Variants in ZPLD1 observed in about 807,000 individuals in gnomAD.
ZPLD1 encodes the protein zona pellucida-like domain-containing protein 1.
ZPLD1 carries 34 observed loss-of-function variants against 47.2 expected under a neutral mutation model. The ratio of observed to expected loss-of-function variants is 0.72; its 90% CI spans 0.55 to 0.96. The LOEUF is 0.96. Ranked by LOEUF, ZPLD1 falls within the 40% of genes least tolerant of loss-of-function variation. The pLI is 0.00. For synonymous variants in ZPLD1, 176 were observed against 186.2 expected, an observed-to-expected ratio of 0.95 and a Z score of 0.45; for missense variants, 512 against 505.8, an observed-to-expected ratio of 1.01 and a Z score of -0.12.
At chr3:102,432,184 A>G (rs1707023737), upstream of ZPLD1, among the ~76,000 whole-genome samples, 1 of 152,100 alleles carries the variant, frequency 6.6e-6, no homozygotes, top group Non-Finnish European at 1.5e-5. Flanking sequence ...TTTAAACCTT[A>G]ATGAACTGTT....
intron 7 of ZPLD1, among the ~76,000 whole-genome samples, chr3:102,412,489 A>G (rs1213474161): frequency 3.3e-5 from 5 of 151,712 alleles, no homozygotes; most frequent in African/African-American, 1.2e-4. Flanking sequence ...GGAGGATTTA[A>G]CCTATTATAA....
chr3:102,421,425 A>G (rs547120849), intron 8 of ZPLD1, among the ~76,000 whole-genome samples: 1 of 151,878 alleles, frequency 6.6e-6, no homozygotes, highest in Non-Finnish European at 1.5e-5. Flanking sequence ...TTTAAAAACT[A>G]CTCATCTTTT....
At chr3:102,388,552 C>T (rs1559737217) in intron 6 of ZPLD1, among the ~76,000 whole-genome samples, 2 of 151,248 alleles carry the variant, frequency 1.3e-5, no homozygotes, top group Non-Finnish European at 2.9e-5. Flanking sequence ...TTAATGTTCT[C>T]CTCTACTCCC....
At chr3:102,434,449 A>G (rs1481021484), upstream of ZPLD1, among the ~76,000 whole-genome samples, 2 of 152,178 alleles carry the variant, frequency 1.3e-5, no homozygotes, top group African/African-American at 4.8e-5. Flanking sequence ...TTGACAGCAA[A>G]TCACTTAGCA....
At chr3:102,467,931 C>G (rs1167565419) in intron 8 of ZPLD1, among the ~76,000 whole-genome samples, 1 of 151,248 alleles carries the variant, frequency 6.6e-6, no homozygotes, top group Admixed American at 6.6e-5. Context: ...ATATAACAAC[C>G]AGTAACCACT....
intron 6 of ZPLD1, among the ~76,000 whole-genome samples, chr3:102,458,683 A>T (rs1707457238): frequency 6.6e-6 from 1 of 152,200 alleles, no homozygotes. Context: ...AAAGGCATTT[A>T]AAAAAATCAT....
In ZPLD1 at chr3:102,469,027, T is replaced by A; in HGVS notation, c.825T>A (p.Ser275=). The change falls in exon 9 of 12, where the codon TCT becomes TCA. Residue 275 remains serine, a synonymous_variant. Transcript: ENST00000466937. ...GCCGAAGCCAGCGGGGCCGGTTTTCTTTTGAAGTGTTCCGATTTGTGAAAC... is the reference window on the plus strand; with the variant it reads ...GCCGAAGCCAGCGGGGCCGGTTTTCATTTGAAGTGTTCCGATTTGTGAAAC... ...ENGRSQRGRF[S]FEVFRFVKHK... 6.2e-7 allele frequency: 1 copy of A among 1,614,160 alleles called. No individual in the cohort carries two copies. The highest frequency in any genetic ancestry group is 1.3e-5 in the African/African-American group (1 of 75,062).
At chr3:102,444,126 A>G (rs1048944743) in intron 3 of ZPLD1, among the ~76,000 whole-genome samples, 9 of 152,196 alleles carry the variant, frequency 5.9e-5, no homozygotes, top group Non-Finnish European at 1.2e-4. Flanking sequence ...TATTGCATGA[A>G]TTTTCACTTT....
At chr3:102,464,565 G>T (rs1031130559) in intron 8 of ZPLD1, among the ~76,000 whole-genome samples, 1 of 152,090 alleles carries the variant, frequency 6.6e-6, no homozygotes, top group Non-Finnish European at 1.5e-5. Context: ...GATATTATTC[G>T]CAGGAAAAGA....
chr3:102,464,229 A>C lies in ZPLD1; in HGVS notation c.739A>C (p.Ile247Leu). The C allele has an allele frequency of 6.2e-7, 1 of 1,612,496 alleles. No homozygotes were observed. Residue 247 changes from isoleucine (I) to leucine (L), a missense_variant, in exon 8 of 12, where the codon ATT becomes CTT. Ile to Leu is a conservative substitution (Grantham distance 5). Transcript: ENST00000466937. ...CCCATCAGGAAACCCAAATGATGAC[A>C]TTCGATATGATCTTTTCCTTAGGTA... ...TTPSGNPNDD[I>L]RYDLFLSCDK...
chr3:102,467,118 C>G (rs1477707824), intron 8 of ZPLD1, among the ~76,000 whole-genome samples: 1 of 152,034 alleles, frequency 6.6e-6, no homozygotes, highest in African/African-American at 2.4e-5. Flanking sequence ...AGTAAGGATA[C>G]AGAAAATCTA....
chr3:102,387,947 G>A (rs1049093094), intron 6 of ZPLD1, among the ~76,000 whole-genome samples: 7 of 135,502 alleles, frequency 5.2e-5, no homozygotes, highest in East Asian at 4.6e-4. Flanking sequence ...TGCAAGCTCC[G>A]CCTCCTGGGC....
intron 10 of ZPLD1, among the ~76,000 whole-genome samples, chr3:102,471,782 A>T (rs1707689975): frequency 6.6e-6 from 1 of 152,202 alleles, no homozygotes; most frequent in Admixed American, 6.5e-5. Flanking sequence ...TTTAAAGTAA[A>T]AGTTTTTAAC....
intron 5 of ZPLD1, among the ~76,000 whole-genome samples, chr3:102,457,394 C>T (rs566654845): frequency 6.6e-6 from 1 of 152,180 alleles, no homozygotes; most frequent in Non-Finnish European, 1.5e-5. Flanking sequence ...CATTTACCTA[C>T]TATTTACCAT....
intron 7 of ZPLD1, among the ~76,000 whole-genome samples, chr3:102,407,457 TCC>T: frequency 1.0e-5 from 1 of 97,376 alleles, no homozygotes; most frequent in Non-Finnish European, 2.1e-5. Context: ...ACATATGCCA[TCC>T]TTTATGAGTC....
At chr3:102,461,209 T>C (rs936907865) in intron 6 of ZPLD1, among the ~76,000 whole-genome samples, 1 of 152,056 alleles carries the variant, frequency 6.6e-6, no homozygotes, top group South Asian at 2.1e-4. Flanking sequence ...TAAGATTTTA[T>C]AATGAACATT....
chr3:102,458,692 A>G (rs1285299717), intron 6 of ZPLD1, among the ~76,000 whole-genome samples: 1 of 152,226 alleles, frequency 6.6e-6, no homozygotes, highest in Admixed American at 6.5e-5. Flanking sequence ...TAAAAAAATC[A>G]TGTTTATAAG....
chr3:102,446,276 G>C, intron 3 of ZPLD1, among the ~76,000 whole-genome samples: 1 of 152,214 alleles, frequency 6.6e-6, no homozygotes, highest in Non-Finnish European at 1.5e-5. Flanking sequence ...AGATAGGATA[G>C]AACATGACGG....
chr3:102,421,104 C>T (rs1263931984), intron 8 of ZPLD1, among the ~76,000 whole-genome samples: 2 of 151,810 alleles, frequency 1.3e-5, no homozygotes, highest in South Asian at 4.1e-4. Flanking sequence ...TAAAATTTAA[C>T]CATTCAAAAA....
Sources: gnomAD v4.1 joint callset for allele counts (sites outside exome capture counted in the v4.1 genomes callset) on GRCh38, gnomAD v4.1.1 for gene constraint, MANE v1.5 for transcripts, NCBI Gene and HGNC (gene_info 2026-07-23, HGNC 2026-07-21) for gene names.